Variants in DACH1 observed in about 807,000 individuals in gnomAD.
The protein encoded by DACH1 is dachshund family transcription factor 1, also known as dachshund homolog 1.
A neutral mutation model predicts 54.2 loss-of-function variants in DACH1; 12 were observed. The ratio of observed to expected loss-of-function variants is 0.22; its 90% CI spans 0.14 to 0.36. The LOEUF (loss-of-function observed/expected upper bound fraction) is 0.36. DACH1 is among the 10% of genes least tolerant of loss of function. The probability of loss-of-function intolerance (pLI) is 1.00; values close to 1 mark genes in which losing one functional copy is unlikely to be tolerated. For synonymous variants in DACH1, 386 were observed against 366.2 expected (o/e 1.05, Z -0.62); for missense variants, 805 against 929.8 (o/e 0.87, Z 1.75).
At chr13:71,587,928 T>C (rs1873400764) in intron 3 of DACH1, among the ~76,000 whole-genome samples, 1 of 152,160 alleles carries the variant, frequency 6.6e-6, no homozygotes, top group South Asian at 2.1e-4. Flanking sequence ...ACTGCAGCTG[T>C]TGTGTAGCAA....
intron 5 of DACH1, among the ~76,000 whole-genome samples, chr13:71,558,958 T>C (rs201923736): frequency 6.6e-6 from 1 of 152,050 alleles, no homozygotes; most frequent in South Asian, 2.1e-4. Context: ...AAATAAACTT[T>C]GTACAATTAG....
chr13:71,532,749 AC>A (rs1256479816), intron 6 of DACH1, among the ~76,000 whole-genome samples: 1 of 151,798 alleles, frequency 6.6e-6, no homozygotes, highest in Non-Finnish European at 1.5e-5. Context: ...AGCTTTAATA[AC>A]CTCTTCTGGT....
intron 1 of DACH1, among the ~76,000 whole-genome samples, chr13:71,762,542 A>G (rs2138011606): frequency 6.6e-6 from 1 of 152,212 alleles, no homozygotes; most frequent in South Asian, 2.1e-4. Flanking sequence ...CAAGGCGAGC[A>G]GAACACTTGA....
intron 6 of DACH1, among the ~76,000 whole-genome samples, chr13:71,506,464 ACT>A (rs1370346275): frequency 6.6e-6 from 1 of 151,506 alleles, no homozygotes; most frequent in Non-Finnish European, 1.5e-5. Flanking sequence ...AAGGACATGA[ACT>A]CATCATTTTT....
At chr13:71,811,234 T>C (rs1199263183) in intron 1 of DACH1, among the ~76,000 whole-genome samples, 1 of 152,138 alleles carries the variant, frequency 6.6e-6, no homozygotes, top group Non-Finnish European at 1.5e-5. Flanking sequence ...CATAAAATGT[T>C]TTCTTTAAGA....
chr13:71,768,380 A>G (rs1394789427), intron 1 of DACH1, among the ~76,000 whole-genome samples: 1 of 151,986 alleles, frequency 6.6e-6, no homozygotes, highest in Non-Finnish European at 1.5e-5. Flanking sequence ...GGATGTGCCA[A>G]GATGTGATGA....
chr13:71,622,027 G>A (rs1876283983), intron 3 of DACH1, among the ~76,000 whole-genome samples: 1 of 151,796 alleles, frequency 6.6e-6, no homozygotes, highest in East Asian at 1.9e-4. Flanking sequence ...GTGGGGATGG[G>A]GCATAAAGAG....
At chr13:71,634,848 G>C (rs1278185389) in intron 2 of DACH1, among the ~76,000 whole-genome samples, 1 of 152,116 alleles carries the variant, frequency 6.6e-6, no homozygotes, top group Non-Finnish European at 1.5e-5. Flanking sequence ...CTGGTTTGAG[G>C]CCTCTGCAAC....
chr13:71,521,170 C>T (rs1392947757), intron 6 of DACH1, among the ~76,000 whole-genome samples: 2 of 151,946 alleles, frequency 1.3e-5, no homozygotes, highest in East Asian at 3.9e-4. Context: ...AACAGTAATG[C>T]AGCTGTCTTG....
At chr13:71,569,993 G>A (rs905217800) in intron 4 of DACH1, among the ~76,000 whole-genome samples, 1 of 152,038 alleles carries the variant, frequency 6.6e-6, no homozygotes, top group Non-Finnish European at 1.5e-5. Flanking sequence ...AGTTATCCAC[G>A]TGTCCAATAC....
chr13:71,449,075 C>T (rs937237223), intron 10 of DACH1, among the ~76,000 whole-genome samples: 1 of 152,152 alleles, frequency 6.6e-6, no homozygotes, highest in African/African-American at 2.4e-5. Flanking sequence ...CATGGTGGCT[C>T]ATGCCTGTAA....
chr13:71,767,630 GA>G (rs1373408301), intron 1 of DACH1, among the ~76,000 whole-genome samples: 1 of 151,572 alleles, frequency 6.6e-6, no homozygotes, highest in Admixed American at 6.6e-5. Context: ...CAAGACAAAA[GA>G]CCTGGTGTAG....
At chr13:71,695,807 G>A (rs1482235562) in intron 1 of DACH1, among the ~76,000 whole-genome samples, 1 of 152,186 alleles carries the variant, frequency 6.6e-6, no homozygotes, top group Non-Finnish European at 1.5e-5. Context: ...AGCAAATTGT[G>A]TTTGTTCAGT....
At chr13:71,839,854 T>C (rs1888948499) in intron 1 of DACH1, among the ~76,000 whole-genome samples, 1 of 152,188 alleles carries the variant, frequency 6.6e-6, no homozygotes, top group South Asian at 2.1e-4. Flanking sequence ...CTTACTTCTC[T>C]TTCCCCACAC....
intron 1 of DACH1, among the ~76,000 whole-genome samples, chr13:71,768,687 T>A (rs1403183609): frequency 6.6e-6 from 1 of 151,930 alleles, no homozygotes; most frequent in African/African-American, 2.4e-5. Context: ...TACAGAATAA[T>A]CTTTAAGCTG....
chr13:71,784,554 TTA>T (rs1886514330), intron 1 of DACH1, among the ~76,000 whole-genome samples: 2 of 152,124 alleles, frequency 1.3e-5, no homozygotes, highest in Admixed American at 1.3e-4. Flanking sequence ...AAACTGGGGC[TTA>T]TCTATCACTT....
At position 71,762,423 on chromosome 13, in the gene DACH1, T is replaced by C. The variant is rs1283651208; in HGVS notation, c.849-80513A>G. 3.9e-5 allele frequency among the ~76,000 whole-genome samples: 6 copies of C among 152,156 alleles called. No individual in the cohort carries two copies. The East Asian group carries it at 1.2e-3, about 29-fold the overall frequency. ...AAATGTCACATATGAGTAAGTGATA[T>C]GAAGAAAATGATGAATATGATGTAA... On this transcript the variant is annotated intron_variant, in intron 1 of 10. Transcript: ENST00000613252.
At chr13:71,862,340 A>G (rs956173456) in intron 1 of DACH1, among the ~76,000 whole-genome samples, 4 of 152,020 alleles carry the variant, frequency 2.6e-5, no homozygotes, top group African/African-American at 9.7e-5. Context: ...CCATGTACAT[A>G]ATTACTTTTC....
intron 1 of DACH1, among the ~76,000 whole-genome samples, chr13:71,718,575 G>GAAAA (rs11318583): frequency 7.5e-6 from 1 of 134,034 alleles, no homozygotes; most frequent in Non-Finnish European, 1.6e-5. Flanking sequence ...GACCATATCT[G>GAAAA]AAAAAAAAAA....
Sources: gnomAD v4.1 joint callset for allele counts (sites outside exome capture counted in the v4.1 genomes callset) on GRCh38, gnomAD v4.1.1 for gene constraint, MANE v1.5 for transcripts, NCBI Gene and HGNC (gene_info 2026-07-23, HGNC 2026-07-21) for gene names.